The following SLC38A6 variants were observed in gnomAD, a reference collection of about 807,000 sequenced individuals.
The protein encoded by SLC38A6 is solute carrier family 38 member 6.
Under a neutral mutation model 65.0 loss-of-function variants are expected in SLC38A6, and 73 were observed. That is an observed-to-expected ratio of 1.12 (90% confidence interval 0.93 to 1.37). The LOEUF (loss-of-function observed/expected upper bound fraction) is 1.37, where lower values mean the gene tolerates loss of function less well. SLC38A6 is among the 40% of genes most tolerant of loss of function. The pLI, the probability that SLC38A6 is intolerant of heterozygous loss-of-function variation, is 0.00. For synonymous variants in SLC38A6, 183 were observed against 178.8 expected, an observed-to-expected ratio of 1.02 and a Z score of -0.19; for missense variants, 561 against 531.1, an observed-to-expected ratio of 1.06 and a Z score of -0.55.
intron 3 of SLC38A6, among the ~76,000 whole-genome samples, chr14:60,996,982 A>G (rs1156685015): frequency 6.6e-6 from 1 of 152,210 alleles, no homozygotes; most frequent in South Asian, 2.1e-4. Context: ...CTTAGTGAAC[A>G]ATAGAGTATA....
chr14:61,052,492 C>A lies in SLC38A6; in HGVS notation c.*63C>A. The A allele has an allele frequency of 2.0e-6, 3 of 1,497,806 alleles. No homozygotes were observed. Among genetic ancestry groups the A allele is most frequent in the Non-Finnish European group, 2.7e-6 (3 of 1,131,208 alleles). The allele number at this position is 1,497,806 out of a possible 1,614,324, so 92.8% of individuals were successfully genotyped here. A position where few individuals can be genotyped will look rare whatever the true frequency, so the allele number is the denominator to read the frequency against. ...CCCTAGTTGCAAGAATGAATTATTCCGGAAGACACCCTGGATGAAAAATAA... is the reference window on the plus strand; with the variant it reads ...CCCTAGTTGCAAGAATGAATTATTCAGGAAGACACCCTGGATGAAAAATAA... On this transcript the variant is annotated 3_prime_UTR_variant, in exon 16 of 16. Coordinates refer to ENST00000267488, the MANE Select transcript of SLC38A6 (RefSeq NM_153811.3).
intron 3 of SLC38A6, chr14:60,987,169 CTTTTTT>C: frequency 5.2e-6 from 1 of 192,186 alleles, no homozygotes; most frequent in Non-Finnish European, 1.0e-5. Flanking sequence ...TAGGCTTTTC[CTTTTTT>C]TTTTTTTTTT....
chr14:61,028,160 G>T (rs968807581), intron 5 of SLC38A6, among the ~76,000 whole-genome samples: 2 of 152,014 alleles, frequency 1.3e-5, no homozygotes, highest in Non-Finnish European at 2.9e-5. Context: ...ATATTAGAAA[G>T]AAATAGGATC....
chr14:60,996,107 G>A (rs955348576), intron 3 of SLC38A6, among the ~76,000 whole-genome samples: 1 of 152,158 alleles, frequency 6.6e-6, no homozygotes, highest in African/African-American at 2.4e-5. Flanking sequence ...TGATTGTAGG[G>A]GAAGCTGTGC....
At chr14:61,006,587 C>G (rs1366362219) in intron 3 of SLC38A6, among the ~76,000 whole-genome samples, 5 of 152,340 alleles carry the variant, frequency 3.3e-5, no homozygotes, top group South Asian at 2.1e-4. Context: ...CTCACCATCA[C>G]TGGCCATCAG....
chr14:61,076,276 C>A (rs1251355008), intron 15 of SLC38A6, among the ~76,000 whole-genome samples: 1 of 152,170 alleles, frequency 6.6e-6, no homozygotes, highest in Non-Finnish European at 1.5e-5. Flanking sequence ...TTTTCTTACC[C>A]AGTTCTCCAA....
At chr14:61,049,239 C>A (rs972264191) in intron 12 of SLC38A6, among the ~76,000 whole-genome samples, 2 of 152,172 alleles carry the variant, frequency 1.3e-5, no homozygotes, top group Non-Finnish European at 2.9e-5. Context: ...ACATCTCATG[C>A]AGAACTGTAT....
intron 3 of SLC38A6, among the ~76,000 whole-genome samples, chr14:61,000,003 T>C (rs1414560856): frequency 6.6e-6 from 1 of 152,238 alleles, no homozygotes; most frequent in African/African-American, 2.4e-5. Flanking sequence ...TTACATAATA[T>C]AATGCCATAA....
At chr14:61,064,581 T>A (rs1015909975) in intron 15 of SLC38A6, among the ~76,000 whole-genome samples, 1 of 147,756 alleles carries the variant, frequency 6.8e-6, no homozygotes, top group African/African-American at 2.5e-5. Context: ...TAGTTGCCTG[T>A]TTTGAGTCAC....
At chr14:61,051,693 C>A in intron 13 of SLC38A6, 94 bp from the exon 14 acceptor site, 1 of 1,433,766 alleles carries the variant, frequency 7.0e-7, no homozygotes, top group Non-Finnish European at 9.5e-7. Flanking sequence ...ATGTAGGAGG[C>A]AAAAATATCA....
chr14:61,036,259 TG>T (rs2041356778), intron 6 of SLC38A6, among the ~76,000 whole-genome samples: 1 of 152,192 alleles, frequency 6.6e-6, no homozygotes, highest in African/African-American at 2.4e-5. Flanking sequence ...AAAATTATCA[TG>T]GTCTTGGAGG....
chr14:61,016,002 T>C (rs1595089689), intron 4 of SLC38A6, 46 bp downstream of exon 4: 1 of 1,489,242 alleles, frequency 6.7e-7, no homozygotes. Flanking sequence ...AAAGTGGCAT[T>C]TTTCCTTTTG....
At chr14:61,047,028 A>G (rs1373039202) in intron 12 of SLC38A6, among the ~76,000 whole-genome samples, 1 of 152,192 alleles carries the variant, frequency 6.6e-6, no homozygotes, top group Non-Finnish European at 1.5e-5. Flanking sequence ...TTCTGTGTCA[A>G]TAAGATACTG....
intron 3 of SLC38A6, among the ~76,000 whole-genome samples, chr14:61,008,602 A>G (rs959882711): frequency 2.6e-5 from 4 of 152,160 alleles, no homozygotes; most frequent in Non-Finnish European, 5.9e-5. Context: ...TAGTAGCATC[A>G]CTAGTTAAAA....
chr14:60,996,840 G>C (rs935704361), intron 3 of SLC38A6, among the ~76,000 whole-genome samples: 4 of 152,088 alleles, frequency 2.6e-5, no homozygotes, highest in Non-Finnish European at 5.9e-5. Flanking sequence ...ATAAAACAAT[G>C]CCTTCAAAAT....
In SLC38A6 at chr14:60,991,280, C is replaced by T. The variant is rs147504732; in HGVS notation, c.310+6477C>T. Among the ~76,000 whole-genome samples the T allele has an allele frequency of 3.1e-3, 477 of 152,286 alleles. 3 individuals carry two copies. The highest frequency in any genetic ancestry group is 5.1e-3 in the Non-Finnish European group (346 of 68,022). On this transcript the variant is annotated intron_variant, in intron 3 of 15. Transcript: ENST00000267488. Reference sequence around the variant, plus strand: ...TCTCCTTGATTTATCTTCCAGTACTCCCTCACTGGTTTCAGTCACACTTTT... The same window carrying T: ...TCTCCTTGATTTATCTTCCAGTACTTCCTCACTGGTTTCAGTCACACTTTT...
At chr14:61,019,429 C>T in intron 4 of SLC38A6, 112 bp from the exon 5 acceptor site, 4 of 954,032 alleles carry the variant, frequency 4.2e-6, no homozygotes, top group South Asian at 1.8e-5. Context: ...TTAGTTTCTC[C>T]TCACAACTTC....
chr14:60,993,653 A>G (rs2038066978), intron 3 of SLC38A6, among the ~76,000 whole-genome samples: 1 of 152,220 alleles, frequency 6.6e-6, no homozygotes, highest in African/African-American at 2.4e-5. Flanking sequence ...ACAGGTAAAA[A>G]TAGTTGAGGG....
intron 3 of SLC38A6, among the ~76,000 whole-genome samples, chr14:61,007,658 A>C (rs2039245136): frequency 6.6e-6 from 1 of 152,142 alleles, no homozygotes; most frequent in Non-Finnish European, 1.5e-5. Flanking sequence ...ATAAGAATGT[A>C]CATATTTAAT....
Sources: gnomAD v4.1 joint callset for allele counts (sites outside exome capture counted in the v4.1 genomes callset) on GRCh38, gnomAD v4.1.1 for gene constraint, MANE v1.5 for transcripts, NCBI Gene and HGNC (gene_info 2026-07-23, HGNC 2026-07-21) for gene names.